COL5A2: variants seen among roughly 807,000 people sequenced by gnomAD.
COL5A2 encodes collagen alpha-2(V) chain.
In COL5A2, 23 loss-of-function variants were observed where a neutral mutation model predicts 208.2. The observed-to-expected ratio is 0.11, with a 90% CI of 0.08 to 0.16. The LOEUF (loss-of-function observed/expected upper bound fraction) is 0.16. COL5A2 is among the 10% of genes least tolerant of loss of function. The probability of loss-of-function intolerance (pLI) is 1.00; values close to 1 mark genes in which losing one functional copy is unlikely to be tolerated. For synonymous variants in COL5A2, 625 were observed against 628.5 expected (o/e 0.99, Z 0.08); for missense variants, 1,590 against 1,956.4 (o/e 0.81, Z 3.53).
At chr2:189,259,958 G>C in the COL5A2 span, among the ~76,000 whole-genome samples, 1 of 152,130 alleles carries the variant, frequency 6.6e-6, no homozygotes, top group East Asian at 1.9e-4. Flanking sequence ...ACATAGAAAA[G>C]AGAAAGAAGA....
exon 1 of COL5A2, among the ~76,000 whole-genome samples, chr2:189,225,215 C>T (rs539116129): frequency 1.8e-4 from 27 of 152,148 alleles, no homozygotes; most frequent in Non-Finnish European, 3.8e-4. Context: ...TTTTGTGGTA[C>T]GAGAGATAGC....
chr2:189,417,610 C>G, the COL5A2 span, among the ~76,000 whole-genome samples: 4 of 151,792 alleles, frequency 2.6e-5, no homozygotes, highest in Non-Finnish European at 4.4e-5. Flanking sequence ...TATAACCTTC[C>G]CATTCAAGAA....
At chr2:189,062,344 A>T (rs1686052455) in intron 29 of COL5A2, among the ~76,000 whole-genome samples, 1 of 151,692 alleles carries the variant, frequency 6.6e-6, no homozygotes. Context: ...CCACCATGCC[A>T]GGCTAATTTT....
chr2:189,199,889 T>G (rs1689049973), intron 1 of COL5A2, among the ~76,000 whole-genome samples: 1 of 152,198 alleles, frequency 6.6e-6, no homozygotes, highest in African/African-American at 2.4e-5. Context: ...AGTTGACCAT[T>G]ACAGGTTGCA....
chr2:189,175,086 A>G (rs1484844404), intron 1 of COL5A2, among the ~76,000 whole-genome samples: 1 of 152,160 alleles, frequency 6.6e-6, no homozygotes, highest in Non-Finnish European at 1.5e-5. Flanking sequence ...CTTTTTGCTC[A>G]CTGAGGTAGG....
chr2:189,345,482 A>G, the COL5A2 span, among the ~76,000 whole-genome samples: 1 of 152,186 alleles, frequency 6.6e-6, no homozygotes, highest in Non-Finnish European at 1.5e-5. Context: ...CAAGACCAGG[A>G]GCAGAGCTCT....
chr2:189,233,308 GTTA>G, the COL5A2 span, among the ~76,000 whole-genome samples: 8 of 151,776 alleles, frequency 5.3e-5, no homozygotes, highest in Non-Finnish European at 8.8e-5. Flanking sequence ...AAAGAATAAA[GTTA>G]TTATTGTTTC....
chr2:189,324,633 G>A, the COL5A2 span, among the ~76,000 whole-genome samples: 2 of 152,174 alleles, frequency 1.3e-5, no homozygotes, highest in Non-Finnish European at 2.9e-5. Flanking sequence ...TCTCACACCA[G>A]TTAGAATGGC....
At chr2:189,114,650 T>A (rs7583708) in intron 1 of COL5A2, among the ~76,000 whole-genome samples, 119,476 of 142,904 alleles carry the variant, frequency 0.84, 50,192 homozygotes, top group Non-Finnish European at 0.92. Flanking sequence ...AAAAAAAAAA[T>A]GTTTCTTAAA....
chr2:189,141,709 G>C (rs1392624269), intron 1 of COL5A2, among the ~76,000 whole-genome samples: 1 of 152,132 alleles, frequency 6.6e-6, no homozygotes, highest in East Asian at 1.9e-4. Flanking sequence ...GAAATGCACT[G>C]TTAAATTTCT....
At chr2:189,071,623 C>A (rs1468229902) in intron 18 of COL5A2, among the ~76,000 whole-genome samples, 2 of 152,036 alleles carry the variant, frequency 1.3e-5, no homozygotes, top group Non-Finnish European at 2.9e-5. Flanking sequence ...ATGTTAGATG[C>A]CTTTTGACAG....
At chr2:189,305,841 A>G in the COL5A2 span, among the ~76,000 whole-genome samples, 1 of 151,370 alleles carries the variant, frequency 6.6e-6, no homozygotes, top group African/African-American at 2.4e-5. Flanking sequence ...AACTAGACAT[A>G]TATGCTGGAT....
the COL5A2 span, among the ~76,000 whole-genome samples, chr2:189,429,560 A>C: frequency 4.6e-5 from 7 of 152,222 alleles, no homozygotes; most frequent in East Asian, 1.3e-3. Flanking sequence ...GCCCTACTTA[A>C]GAGTCTCATG....
the COL5A2 span, among the ~76,000 whole-genome samples, chr2:189,288,297 G>A: frequency 1.9e-4 from 29 of 152,232 alleles, no homozygotes; most frequent in African/African-American, 6.7e-4. Flanking sequence ...AAGGTATTAG[G>A]GGTTTTTTCT....
At chr2:189,039,197 C>G in intron 51 of COL5A2, 75 bp downstream of exon 51, 1 of 1,529,598 alleles carries the variant, frequency 6.5e-7, no homozygotes, top group South Asian at 1.1e-5. Flanking sequence ...AAGTCAGTAA[C>G]ATATTTTGGA....
chr2:189,401,580 C>T, the COL5A2 span, among the ~76,000 whole-genome samples: 24 of 152,118 alleles, frequency 1.6e-4, no homozygotes, highest in Admixed American at 3.3e-4. Flanking sequence ...GGCATATACC[C>T]AGTAATGGGT....
the COL5A2 span, among the ~76,000 whole-genome samples, chr2:189,317,083 C>G: frequency 3.3e-5 from 5 of 151,934 alleles, no homozygotes; most frequent in African/African-American, 1.2e-4. Flanking sequence ...TCATTTTAGT[C>G]TTTATATAAA....
the COL5A2 span, among the ~76,000 whole-genome samples, chr2:189,412,969 T>G: frequency 6.6e-6 from 1 of 152,166 alleles, no homozygotes; most frequent in African/African-American, 2.4e-5. Flanking sequence ...AATGGAAAAG[T>G]TGTATGGCTG....
chr2:189,409,460 T>C, the COL5A2 span, among the ~76,000 whole-genome samples: 614 of 152,198 alleles, frequency 4.0e-3, 7 homozygotes, highest in African/African-American at 0.014. Flanking sequence ...TTCTATAGTA[T>C]TCTGTAAGGA....
Sources: allele counts gnomAD v4.1 joint callset (sites outside exome capture counted in the v4.1 genomes callset), GRCh38; gene constraint gnomAD v4.1.1; transcripts MANE v1.5; gene names NCBI Gene and HGNC (gene_info 2026-07-23, HGNC 2026-07-21).